The following SPTAN1 variants were observed in gnomAD, a reference collection of about 807,000 sequenced individuals.
SPTAN1 encodes the protein spectrin alpha chain, non-erythrocytic 1.
In SPTAN1, 61 loss-of-function variants were observed where a neutral mutation model predicts 331.3. That is an observed-to-expected ratio of 0.18 (90% CI 0.15 to 0.23). The LOEUF is 0.23. Among genes scored for constraint, SPTAN1 ranks in the 10% least tolerant of loss-of-function variants. SPTAN1 has a pLI of 1.00. For synonymous variants in SPTAN1, 1,153 were observed against 1,173.9 expected (o/e 0.98, Z 0.36); for missense variants, 2,043 against 3,147.9 (o/e 0.65, Z 8.40).
chr9:128,558,845 C>T (rs1848961800), intron 1 of SPTAN1, among the ~76,000 whole-genome samples: 1 of 152,066 alleles, frequency 6.6e-6, no homozygotes, highest in South Asian at 2.1e-4. Context: ...GGCTGTAGCA[C>T]CTTTGGATGG....
At chr9:128,575,385 AT>A (rs1281814304) in intron 5 of SPTAN1, 40 bp downstream of exon 5, 1 of 1,600,674 alleles carries the variant, frequency 6.2e-7, no homozygotes, top group African/African-American at 1.3e-5. Context: ...CAACATTATT[AT>A]GTTAACTTTT....
intron 20 of SPTAN1, 89 bp from the exon 21 acceptor site, chr9:128,588,720 A>T: frequency 1.3e-6 from 2 of 1,559,552 alleles, no homozygotes; most frequent in South Asian, 2.2e-5. Context: ...TACATTTGGT[A>T]CAGCTGGTGG....
At chr9:128,570,528 G>C (rs368309008) in intron 3 of SPTAN1, among the ~76,000 whole-genome samples, 133 of 151,254 alleles carry the variant, frequency 8.8e-4, no homozygotes, top group Middle Eastern at 3.4e-3. Flanking sequence ...AGTAGAGATG[G>C]GGTTTCATCA....
chr9:128,577,159 G>A lies in SPTAN1; in HGVS notation c.816G>A (p.Lys272=). Residue 272 remains lysine, a synonymous_variant, in exon 7 of 57, where the codon AAG becomes AAA. Transcript: ENST00000372739. This position sits in a 1 kb window ranked among gnomAD's most constrained non-coding sequence, Gnocchi z 4.2. ...TGGATGAGACTATCAGTTGGATTAA[G>A]GAAAAGGAGCAGTTAATGGCCTCTG... ...RDVDETISWI[K]EKEQLMASDD... is the part of the protein sequence containing the mutation. The A allele has an allele frequency of 6.2e-7, 1 of 1,614,150 alleles. No individual in the cohort carries two copies.
At chr9:128,558,787 C>G (rs1162522757) in intron 1 of SPTAN1, among the ~76,000 whole-genome samples, 1 of 152,154 alleles carries the variant, frequency 6.6e-6, no homozygotes, top group African/African-American at 2.4e-5. Flanking sequence ...GTGGCACGCC[C>G]AGGCCGAGCT....
chr9:128,599,765 T>C, intron 26 of SPTAN1: 1 of 342,810 alleles, frequency 2.9e-6, no homozygotes, highest in Non-Finnish European at 5.3e-6. Flanking sequence ...GGTTCATTTA[T>C]TACCCCTTTG....
At chr9:128,632,403 T>A in intron 53 of SPTAN1, 28 bp from the exon 54 acceptor site, 1 of 1,614,044 alleles carries the variant, frequency 6.2e-7, no homozygotes, top group South Asian at 1.1e-5. Flanking sequence ...GTGGAGGGTC[T>A]GTTCCCTAAT....
chr9:128,589,577 T>A (rs1316949609), intron 21 of SPTAN1, among the ~76,000 whole-genome samples: 1 of 496 alleles, frequency 2.0e-3, no homozygotes, highest in Admixed American at 0.1. Flanking sequence ...TGCCCGGCCT[T>A]TTTTTTTTTT....
intron 2 of SPTAN1, among the ~76,000 whole-genome samples, chr9:128,568,392 A>G (rs777652619): frequency 2.6e-5 from 4 of 152,236 alleles, no homozygotes; most frequent in Non-Finnish European, 5.9e-5. Context: ...AAGAGTAAGC[A>G]CTGAATGTTG....
rs767067922 is a variant in SPTAN1 at position 128,580,937 on chromosome 9, G to A, written c.1339G>A (p.Glu447Lys). Residue 447 changes from glutamate (E) to lysine (K), a missense_variant, in exon 11 of 57, where the codon GAG becomes AAG. Physicochemically the swap from Glu to Lys is moderately conservative, Grantham distance 56. This residue lies in a region of SPTAN1 where 1,038 missense variants were observed against 1,531.5 expected (regional missense o/e 0.68). Coordinates refer to ENST00000372739, the MANE Select transcript of SPTAN1 (RefSeq NM_001130438.3). ...TGCCCCCAAGCTGACCGTCCTTTCC[G>A]AGGAGAGAGCGGCGCTGCTGGAGCT... ...EVREKLTVLS[E>K]ERAALLELWE... is the part of the protein sequence containing the mutation. 1.4e-5 allele frequency: 22 copies of A among 1,613,144 alleles called. No homozygotes were observed. The Admixed American group carries it at 1.8e-4, about 13-fold the overall frequency.
At chr9:128,553,680 G>C (rs1346174768) in intron 1 of SPTAN1, among the ~76,000 whole-genome samples, 1 of 152,214 alleles carries the variant, frequency 6.6e-6, no homozygotes, top group Non-Finnish European at 1.5e-5. Context: ...AAGCTGGGTT[G>C]AGATGATGCT....
At chr9:128,611,463 C>G (rs1589324242) in intron 37 of SPTAN1, 2 of 458,402 alleles carry the variant, frequency 4.4e-6, no homozygotes, top group Non-Finnish European at 8.0e-6. Flanking sequence ...GAGCAAGACC[C>G]TGTCTCAAAA....
Position 128,622,814 on chromosome 9 carries a change from G to A in SPTAN1, c.5833-1514G>A, listed in dbSNP as rs533528213. On this transcript the variant is annotated intron_variant, in intron 45 of 56. Transcript: ENST00000372739. ...GTGGCCCAGGCTGGAGTGCACTGGC[G>A]CAATCTCACCTCACTGCCACCGCCA... Among the ~76,000 whole-genome samples, 403 of 147,628 alleles carry A rather than the reference G, an allele frequency of 2.7e-3. 2 individuals are homozygous for A. Among genetic ancestry groups the A allele is most frequent in the Non-Finnish European group, 4.6e-3 (309 of 66,814 alleles).
chr9:128,599,000 G>A lies in SPTAN1; in HGVS notation c.3543+14G>A, dbSNP rs1005883973. The A allele has an allele frequency of 1.2e-6, 2 of 1,613,418 alleles. No individual in the cohort carries two copies. Among genetic ancestry groups the A allele is most frequent in the African/African-American group, 1.3e-5 (1 of 75,040 alleles). On this transcript the variant is annotated intron_variant, in intron 26 of 56. Transcript: ENST00000372739. ...ATGATGCCCAGGGTAAGTTTCGGGT[G>A]CTGTGTGTGGATCTTGAACATGAGA...
At chr9:128,604,291 G>C in intron 28 of SPTAN1, 35 bp from the exon 29 acceptor site, 1 of 1,599,122 alleles carries the variant, frequency 6.3e-7, no homozygotes, top group South Asian at 1.1e-5. Context: ...ACAGGAGAGG[G>C]AGTGCAGTGG....
intron 3 of SPTAN1, among the ~76,000 whole-genome samples, chr9:128,569,941 A>G (rs974303053): frequency 3.3e-5 from 5 of 152,192 alleles, no homozygotes; most frequent in Non-Finnish European, 7.3e-5. Context: ...ATTACTAATA[A>G]TGATGATTGT....
At chr9:128,568,538 A>G (rs935488717) in intron 2 of SPTAN1, among the ~76,000 whole-genome samples, 31 of 152,332 alleles carry the variant, frequency 2.0e-4, no homozygotes, top group South Asian at 1.5e-3. Context: ...TTAGTTCTCA[A>G]TGGTGAGTGA....
At chr9:128,557,677 A>C (rs1306224562) in intron 1 of SPTAN1, among the ~76,000 whole-genome samples, 1 of 151,916 alleles carries the variant, frequency 6.6e-6, no homozygotes, top group African/African-American at 2.4e-5. Flanking sequence ...AATAAGACAA[A>C]GATATTCATG....
intron 29 of SPTAN1, among the ~76,000 whole-genome samples, chr9:128,604,718 G>A (rs1447876464): frequency 2.0e-5 from 3 of 152,142 alleles, no homozygotes; most frequent in African/African-American, 4.8e-5. Flanking sequence ...GATCACCTGA[G>A]GTCAGGAGTT....
Sources: gnomAD v4.1 joint callset for allele counts (sites outside exome capture counted in the v4.1 genomes callset) on GRCh38, gnomAD v4.1.1 for gene constraint, gnomAD v4.1.1 regional missense constraint, Gnocchi (gnomAD v3.1) non-coding constraint, MANE v1.5 for transcripts, NCBI Gene and HGNC (gene_info 2026-07-23, HGNC 2026-07-21) for gene names.